KLRG1: variants seen among roughly 807,000 people sequenced by gnomAD.
The protein encoded by KLRG1 is killer cell lectin-like receptor subfamily G member 1.
In KLRG1, 16 loss-of-function variants were observed where a neutral mutation model predicts 21.8. The ratio of observed to expected loss-of-function variants is 0.73; its 90% CI spans 0.50 to 1.11. The LOEUF (loss-of-function observed/expected upper bound fraction) is 1.11. Among genes scored for constraint, KLRG1 ranks in the 50% most tolerant of loss-of-function variants. The pLI, the probability that KLRG1 is intolerant of heterozygous loss-of-function variation, is 0.00. For synonymous variants in KLRG1, 69 were observed against 75.9 expected, an observed-to-expected ratio of 0.91 and a Z score of 0.47; for missense variants, 173 against 218.3, an observed-to-expected ratio of 0.79 and a Z score of 1.31.
At chr12:9,070,126 G>C in the KLRG1 span, among the ~76,000 whole-genome samples, 8 of 151,888 alleles carry the variant, frequency 5.3e-5, no homozygotes, top group Non-Finnish European at 1.0e-4. Flanking sequence ...TTCCTGTTTT[G>C]CTTGCTCTAT....
chr12:9,041,793 G>A, the KLRG1 span, among the ~76,000 whole-genome samples: 5 of 152,054 alleles, frequency 3.3e-5, no homozygotes, highest in Non-Finnish European at 7.4e-5. Flanking sequence ...TACCCCATGC[G>A]AGACCACTCA....
At chr12:9,120,502 A>G in the KLRG1 span, among the ~76,000 whole-genome samples, 1 of 152,236 alleles carries the variant, frequency 6.6e-6, no homozygotes. Context: ...AAAAATAAAT[A>G]GAATCAAATT....
chr12:9,102,759 A>G, the KLRG1 span, among the ~76,000 whole-genome samples: 1 of 152,232 alleles, frequency 6.6e-6, no homozygotes, highest in Non-Finnish European at 1.5e-5. Flanking sequence ...GAACAGGTAG[A>G]AATAATAATT....
At chr12:9,196,774 C>CT in the KLRG1 span, 462,290 of 989,234 alleles carry the variant, frequency 0.47, 96,181 homozygotes, top group Admixed American at 0.57. Context: ...GACAAGAAAA[C>CT]TTTTTTTTTG....
chr12:8,989,759 A>T (rs192077650), intron 1 of KLRG1, 42 bp downstream of exon 1: 143 of 1,096,160 alleles, frequency 1.3e-4, no homozygotes. Flanking sequence ...GCATAGCAAC[A>T]GTAGGCTATG....
the KLRG1 span, among the ~76,000 whole-genome samples, chr12:9,032,829 A>G: frequency 6.6e-6 from 1 of 152,142 alleles, no homozygotes; most frequent in African/African-American, 2.4e-5. Context: ...CCCTACCCAG[A>G]GGCCAATTCA....
At chr12:9,155,006 A>C in the KLRG1 span, among the ~76,000 whole-genome samples, 1 of 152,204 alleles carries the variant, frequency 6.6e-6, no homozygotes, top group African/African-American at 2.4e-5. Flanking sequence ...TTCTATGCTG[A>C]ACTTGATTTA....
chr12:9,181,193 C>A, the KLRG1 span: 89 of 1,604,712 alleles, frequency 5.5e-5, no homozygotes, highest in Non-Finnish European at 6.6e-5. Flanking sequence ...CTTGCAGTCA[C>A]CTGCATTTCC....
the KLRG1 span, among the ~76,000 whole-genome samples, chr12:9,137,536 G>T: frequency 1.3e-5 from 2 of 151,766 alleles, no homozygotes; most frequent in South Asian, 4.2e-4. Flanking sequence ...ATAAATTTTA[G>T]GATTTCCTTT....
the KLRG1 span, among the ~76,000 whole-genome samples, chr12:9,210,696 C>A: frequency 6.6e-6 from 1 of 152,076 alleles, no homozygotes; most frequent in Non-Finnish European, 1.5e-5. Flanking sequence ...AAAGGAAAGT[C>A]TTAAGTGTGT....
At chr12:9,078,165 G>A in the KLRG1 span, among the ~76,000 whole-genome samples, 6 of 152,116 alleles carry the variant, frequency 3.9e-5, no homozygotes, top group South Asian at 1.2e-3. Context: ...TGCACCTATT[G>A]ACCCATCCGC....
chr12:9,068,241 C>T, the KLRG1 span: 1 of 1,596,408 alleles, frequency 6.3e-7, no homozygotes, highest in Non-Finnish European at 8.5e-7. Context: ...AAAAAAAAAC[C>T]AACAAAAAAC....
chr12:8,995,129 C>T lies in KLRG1; in HGVS notation c.198C>T (p.Tyr66=). The T allele has an allele frequency of 6.2e-7, 1 of 1,605,054 alleles. No homozygotes were observed. Residue 66 remains tyrosine (Y), a synonymous_variant, in exon 3 of 5, where the codon TAC becomes TAT. Coordinates refer to ENST00000356986, the MANE Select transcript of KLRG1 (RefSeq NM_005810.4). ...YQWILCQGSN[Y]STCASCPSCP... is the part of the protein sequence containing the mutation. ...CCTCTTCTCTCCTAGGCTCCAACTA[C>T]TCCACTTGTGCCAGCTGTCCTAGCT...
the KLRG1 span, among the ~76,000 whole-genome samples, chr12:9,017,918 G>T: frequency 1.3e-5 from 2 of 152,196 alleles, no homozygotes; most frequent in South Asian, 4.1e-4. Context: ...CAGTGAAGTT[G>T]CAGGATACAA....
the KLRG1 span, chr12:9,152,262 C>A: frequency 6.2e-7 from 1 of 1,613,152 alleles, no homozygotes; most frequent in Admixed American, 1.7e-5. Flanking sequence ...CAGATACCAT[C>A]TTTACATCAA....
At chr12:9,026,340 A>C in the KLRG1 span, among the ~76,000 whole-genome samples, 1 of 152,232 alleles carries the variant, frequency 6.6e-6, no homozygotes, top group Non-Finnish European at 1.5e-5. Flanking sequence ...CATGTTTTGA[A>C]AGCATGAGCC....
chr12:9,052,667 A>G, the KLRG1 span, among the ~76,000 whole-genome samples: 1 of 152,218 alleles, frequency 6.6e-6, no homozygotes, highest in Non-Finnish European at 1.5e-5. Flanking sequence ...AGCACTGAGA[A>G]GTAGTTAAGG....
the KLRG1 span, among the ~76,000 whole-genome samples, chr12:9,054,775 G>T: frequency 6.6e-6 from 1 of 152,098 alleles, no homozygotes; most frequent in Non-Finnish European, 1.5e-5. Flanking sequence ...GTTAAGAGAG[G>T]ATCTACTATA....
At chr12:9,129,667 G>C in the KLRG1 span, among the ~76,000 whole-genome samples, 1 of 152,000 alleles carries the variant, frequency 6.6e-6, no homozygotes, top group East Asian at 1.9e-4. Context: ...CGCCTCCCGG[G>C]TTCAGGAGTA....
Sources: gnomAD v4.1 joint callset for allele counts (sites outside exome capture counted in the v4.1 genomes callset) on GRCh38, gnomAD v4.1.1 for gene constraint, MANE v1.5 for transcripts, NCBI Gene and HGNC (gene_info 2026-07-23, HGNC 2026-07-21) for gene names.